Variants in PHKB observed in about 807,000 individuals in gnomAD.
PHKB encodes phosphorylase kinase regulatory subunit beta, also known as phosphorylase b kinase regulatory subunit beta.
PHKB carries 122 observed loss-of-function variants against 152.1 expected under a neutral mutation model. The observed-to-expected ratio is 0.80, with a 90% CI of 0.69 to 0.93. The LOEUF (loss-of-function observed/expected upper bound fraction) is 0.93, where lower values mean the gene tolerates loss of function less well. Ranked by LOEUF, PHKB falls within the 40% of genes least tolerant of loss-of-function variation. The pLI, the probability that PHKB is intolerant of heterozygous loss-of-function variation, is 0.00. For missense variants in PHKB, 1,304 were observed against 1,328.4 expected (o/e 0.98, Z 0.29); for synonymous variants, 436 against 464.9 (o/e 0.94, Z 0.80).
At chr16:47,557,407 T>C (rs1971394127) in intron 7 of PHKB, among the ~76,000 whole-genome samples, 1 of 152,118 alleles carries the variant, frequency 6.6e-6, no homozygotes, top group Admixed American at 6.6e-5. Flanking sequence ...CTAAAGAGCT[T>C]CTGCACAGCA....
chr16:47,624,745 C>G (rs540832644), intron 14 of PHKB, among the ~76,000 whole-genome samples: 3 of 152,326 alleles, frequency 2.0e-5, no homozygotes, highest in African/African-American at 7.2e-5. Context: ...TACTTCCCTT[C>G]TTTCCTTCCC....
intron 16 of PHKB, among the ~76,000 whole-genome samples, chr16:47,644,894 A>C (rs1468382631): frequency 6.6e-6 from 1 of 152,224 alleles, no homozygotes; most frequent in Admixed American, 6.5e-5. Context: ...AAATGTTTAT[A>C]TTGAAATACC....
intron 6 of PHKB, among the ~76,000 whole-genome samples, chr16:47,536,044 G>T (rs1397896448): frequency 2.0e-5 from 3 of 152,106 alleles, no homozygotes; most frequent in Non-Finnish European, 4.4e-5. Flanking sequence ...CATGGAAATG[G>T]TTATGATATT....
At chr16:47,524,095 A>G (rs1048179330) in intron 6 of PHKB, among the ~76,000 whole-genome samples, 2 of 152,108 alleles carry the variant, frequency 1.3e-5, no homozygotes, top group Admixed American at 6.5e-5. Context: ...TCTTGATTTA[A>G]TGCTCGGATC....
At chr16:47,659,317 C>G (rs1973396366) in intron 20 of PHKB, among the ~76,000 whole-genome samples, 1 of 152,156 alleles carries the variant, frequency 6.6e-6, no homozygotes. Context: ...AAGCAACATT[C>G]CCTGTGTCCT....
intron 7 of PHKB, among the ~76,000 whole-genome samples, chr16:47,573,346 G>A (rs1177139436): frequency 6.6e-6 from 1 of 152,188 alleles, no homozygotes. Flanking sequence ...GATCAGGCAA[G>A]TCCTCACTCT....
At chr16:47,660,388 A>G in intron 20 of PHKB, 118 bp from the exon 21 acceptor site, 3 of 776,566 alleles carry the variant, frequency 3.9e-6, no homozygotes, top group South Asian at 1.5e-5. Flanking sequence ...TCAGAATTGT[A>G]TATATTTTTA....
At position 47,515,519 on chromosome 16, in the gene PHKB, A is replaced by G; in HGVS notation, c.514-2A>G. The G allele has an allele frequency of 7.5e-7, 1 of 1,341,018 alleles. No individual in the cohort carries two copies. Among genetic ancestry groups the G allele is most frequent in the Non-Finnish European group, 1.1e-6 (1 of 931,392 alleles). 83.1% of individuals were successfully genotyped at this position (1,341,018 alleles called of 1,614,324 possible). A position where few individuals can be genotyped will look rare whatever the true frequency, so the allele number is the denominator to read the frequency against. On this transcript the variant is annotated splice_acceptor_variant, in intron 5 of 30. Coordinates refer to ENST00000323584, the MANE Select transcript of PHKB (RefSeq NM_000293.3). LOFTEE classifies it high-confidence loss of function. ...ACCTTTTAATGTTTCTGTTTGTTGC[A>G]GATAAATGCAGTGTCACTTTATCTC...
chr16:47,636,034 T>A (rs1972913462), intron 14 of PHKB, among the ~76,000 whole-genome samples: 1 of 152,154 alleles, frequency 6.6e-6, no homozygotes, highest in African/African-American at 2.4e-5. Context: ...ATGGAGGTTA[T>A]GTAAAAGGCA....
At chr16:47,461,795 A>G (rs1452775539) in intron 1 of PHKB, among the ~76,000 whole-genome samples, 2 of 152,208 alleles carry the variant, frequency 1.3e-5, no homozygotes, top group Admixed American at 1.3e-4. Flanking sequence ...GTTCTCTGCA[A>G]AAGTCAGATA....
chr16:47,620,613 C>T (rs1021627518), intron 14 of PHKB, among the ~76,000 whole-genome samples: 4 of 152,094 alleles, frequency 2.6e-5, no homozygotes, highest in East Asian at 3.9e-4. Context: ...TGGTGGCTCA[C>T]GCCTGTAATC....
intron 1 of PHKB, among the ~76,000 whole-genome samples, chr16:47,488,043 T>A (rs1970079094): frequency 6.6e-6 from 1 of 152,216 alleles, no homozygotes; most frequent in Non-Finnish European, 1.5e-5. Flanking sequence ...ATAATTTATA[T>A]ATTCCCACCA....
At chr16:47,569,593 A>G (rs989259928) in intron 7 of PHKB, among the ~76,000 whole-genome samples, 3 of 152,142 alleles carry the variant, frequency 2.0e-5, no homozygotes, top group Non-Finnish European at 4.4e-5. Context: ...TGTTATTGTT[A>G]TAAGCCCTTT....
intron 25 of PHKB, chr16:47,666,077 G>C: frequency 7.3e-7 from 1 of 1,377,608 alleles, no homozygotes; most frequent in Non-Finnish European, 1.0e-6. Context: ...CGGTTGCAAA[G>C]ATTTCTGGCT....
intron 1 of PHKB, among the ~76,000 whole-genome samples, chr16:47,494,183 A>G (rs1970195586): frequency 6.6e-6 from 1 of 152,192 alleles, no homozygotes; most frequent in South Asian, 2.1e-4. Flanking sequence ...TTCCGATCTC[A>G]TCTAGGGTAC....
chr16:47,691,998 G>T (rs1313922394), intron 27 of PHKB, among the ~76,000 whole-genome samples: 1 of 152,134 alleles, frequency 6.6e-6, no homozygotes, highest in Non-Finnish European at 1.5e-5. Flanking sequence ...TGCAGGCAGT[G>T]GGGTATCCAG....
chr16:47,675,232 C>G (rs1347096090), intron 26 of PHKB, among the ~76,000 whole-genome samples: 1 of 152,142 alleles, frequency 6.6e-6, no homozygotes, highest in Non-Finnish European at 1.5e-5. Context: ...GCTCCCCAAC[C>G]CCTCTTCCAC....
chr16:47,608,872 A>G (rs1031080300), intron 13 of PHKB, among the ~76,000 whole-genome samples: 2 of 152,142 alleles, frequency 1.3e-5, no homozygotes, highest in African/African-American at 4.8e-5. Flanking sequence ...GTCCTTTCCA[A>G]TCTGATACTT....
In PHKB at chr16:47,696,383, A is replaced by G; in HGVS notation, c.2898A>G (p.Gln966=). The change falls in exon 29 of 31, where the codon CAA becomes CAG. Residue 966 remains glutamine (Q), a splice_region_variant and synonymous_variant. Transcript: ENST00000323584. ...IIVAGKHLPQ[Q]PTLSDMTMYE... is the part of the protein sequence containing the mutation. ...TAATGTGGAGTTATTTTTTTCAGCAACCAACCCTGTCAGATATGACCATGT... is the reference window on the plus strand; with the variant it reads ...TAATGTGGAGTTATTTTTTTCAGCAGCCAACCCTGTCAGATATGACCATGT... The G allele has an allele frequency of 1.3e-6, 2 of 1,579,936 alleles. No individual in the cohort carries two copies. Among genetic ancestry groups the G allele is most frequent in the Non-Finnish European group, 1.7e-6 (2 of 1,148,668 alleles).
Sources: gnomAD v4.1 joint callset for allele counts (sites outside exome capture counted in the v4.1 genomes callset) on GRCh38, gnomAD v4.1.1 for gene constraint, MANE v1.5 for transcripts, NCBI Gene and HGNC (gene_info 2026-07-23, HGNC 2026-07-21) for gene names.